The following TPD52 variants were observed in gnomAD, a reference collection of about 807,000 sequenced individuals.
The protein encoded by TPD52 is prostate and colon associated protein.
In TPD52, 17 loss-of-function variants were observed where a neutral mutation model predicts 31.3. That is an observed-to-expected ratio of 0.54 (90% CI 0.37 to 0.82). The LOEUF (loss-of-function observed/expected upper bound fraction) is 0.82. Among genes scored for constraint, TPD52 ranks in the 40% least tolerant of loss-of-function variants. TPD52 has a pLI of 0.00. For missense variants in TPD52, 212 were observed against 240.1 expected, an observed-to-expected ratio of 0.88 and a Z score of 0.77; for synonymous variants, 83 against 89.6, an observed-to-expected ratio of 0.93 and a Z score of 0.42.
intron 1 of TPD52, among the ~76,000 whole-genome samples, chr8:80,143,677 C>T (rs1054894338): frequency 6.6e-6 from 1 of 152,182 alleles, no homozygotes; most frequent in Non-Finnish European, 1.5e-5. Flanking sequence ...AAGCGACCAA[C>T]TGATCAATCA....
intron 1 of TPD52, among the ~76,000 whole-genome samples, chr8:80,125,907 A>G (rs1366292192): frequency 1.3e-5 from 2 of 152,174 alleles, no homozygotes; most frequent in Non-Finnish European, 2.9e-5. Context: ...CCACCCCAGA[A>G]TCATCACACA....
intron 1 of TPD52, among the ~76,000 whole-genome samples, chr8:80,162,941 AAAAC>A (rs930353893): frequency 5.2e-4 from 69 of 132,380 alleles, no homozygotes; most frequent in African/African-American, 1.8e-3. Flanking sequence ...ACAACAAAAC[AAAAC>A]AAACAAACAA....
In TPD52 at chr8:80,043,724, T is replaced by C. The variant is rs75080548; in HGVS notation, c.455+443A>G. Among the ~76,000 whole-genome samples, 593 of 152,262 alleles carry C rather than the reference T, an allele frequency of 3.9e-3. 5 individuals are homozygous for C. The highest frequency in any genetic ancestry group is 0.013 in the African/African-American group (555 of 41,542). ...TCTAGAGAGGTTAGGTGAGGTAATA[T>C]CACTTGCAAGTGCTAATGAAAGCAG... On this transcript the variant is annotated intron_variant, in intron 6 of 7. Coordinates refer to ENST00000518937, the MANE Select transcript of TPD52 (RefSeq NM_001025253.3).
chr8:80,071,728 G>A (rs903435914), intron 1 of TPD52, among the ~76,000 whole-genome samples: 6 of 152,098 alleles, frequency 3.9e-5, no homozygotes, highest in African/African-American at 1.4e-4. Context: ...CTGTCACTAT[G>A]TGTTGCTTAG....
chr8:80,155,742 G>T (rs1810921434), intron 1 of TPD52, among the ~76,000 whole-genome samples: 1 of 152,088 alleles, frequency 6.6e-6, no homozygotes. Context: ...AATTAGCCAG[G>T]CATGGTGGCG....
intron 1 of TPD52, among the ~76,000 whole-genome samples, chr8:80,074,283 T>A (rs891642858): frequency 1.3e-5 from 2 of 152,192 alleles, no homozygotes; most frequent in African/African-American, 4.8e-5. Flanking sequence ...GATTTAAACA[T>A]ATAATTCAAA....
At chr8:80,123,576 C>T (rs951421604) in intron 1 of TPD52, among the ~76,000 whole-genome samples, 1 of 152,170 alleles carries the variant, frequency 6.6e-6, no homozygotes, top group South Asian at 2.1e-4. Flanking sequence ...AGAAATACTA[C>T]TAATAATTCC....
chr8:80,073,050 GC>G, intron 1 of TPD52, among the ~76,000 whole-genome samples: 1 of 151,906 alleles, frequency 6.6e-6, no homozygotes, highest in African/African-American at 2.4e-5. Flanking sequence ...GCTGCAGTGA[GC>G]CGAGATCACC....
At chr8:80,086,117 G>GGTT (rs1815739095) in intron 1 of TPD52, among the ~76,000 whole-genome samples, 1 of 88,880 alleles carries the variant, frequency 1.1e-5, no homozygotes, top group Admixed American at 1.2e-4. Context: ...TTTTTTTTTA[G>GGTT]TTTTTTTTTT....
At chr8:80,166,460 G>T (rs955818643) in intron 1 of TPD52, among the ~76,000 whole-genome samples, 2 of 151,522 alleles carry the variant, frequency 1.3e-5, no homozygotes, top group African/African-American at 2.4e-5. Context: ...TCCAACTCCC[G>T]ACCTCAGGTG....
At chr8:80,164,013 TGAGAGAGAGACAGAGAGAGAGA>T (rs1280791172) in intron 1 of TPD52, among the ~76,000 whole-genome samples, 14 of 123,662 alleles carry the variant, frequency 1.1e-4, no homozygotes, top group Admixed American at 6.0e-4. Flanking sequence ...ATTCTAACTG[TGAGAGAGAGACAGAGAGAGAGA>T]GAGAGAGAGA....
At chr8:80,072,004 C>CT (rs1383707486) in intron 1 of TPD52, among the ~76,000 whole-genome samples, 2 of 152,220 alleles carry the variant, frequency 1.3e-5, no homozygotes, top group South Asian at 2.1e-4. Flanking sequence ...GAAACACATG[C>CT]TTTTTTTGTT....
At chr8:80,074,561 T>C (rs1213729076) in intron 1 of TPD52, among the ~76,000 whole-genome samples, 1 of 152,240 alleles carries the variant, frequency 6.6e-6, no homozygotes, top group Non-Finnish European at 1.5e-5. Context: ...CCTGGGCATC[T>C]TCCTGTGTAG....
At chr8:80,115,021 T>G (rs999692004) in intron 1 of TPD52, among the ~76,000 whole-genome samples, 12 of 152,256 alleles carry the variant, frequency 7.9e-5, no homozygotes, top group African/African-American at 2.7e-4. Flanking sequence ...AAAGAATAGC[T>G]GCCTATTGCG....
In TPD52 at chr8:80,114,375, T is replaced by C. The variant is rs117878593; in HGVS notation, c.20-49782A>G. On this transcript the variant is annotated intron_variant, in intron 1 of 7. Transcript: ENST00000518937. ...TACTATATGATATACTTATTACACA[T>C]AGTAATATTGACTGCCTCCTCAACT... Among the ~76,000 whole-genome samples the C allele has an allele frequency of 2.6e-3, 390 of 152,298 alleles. 9 individuals are homozygous for C. In the East Asian group the frequency reaches 0.047, roughly 18 times the overall value.
chr8:80,134,572 C>T (rs1203621401), intron 1 of TPD52, among the ~76,000 whole-genome samples: 2 of 152,204 alleles, frequency 1.3e-5, no homozygotes, highest in Admixed American at 6.5e-5. Context: ...CATATCTGTG[C>T]CCACTTGTGA....
intron 1 of TPD52, among the ~76,000 whole-genome samples, chr8:80,065,689 T>C (rs1231936300): frequency 1.3e-5 from 2 of 152,232 alleles, no homozygotes; most frequent in African/African-American, 4.8e-5. Context: ...GGATCAGTAT[T>C]GCTGATACTT....
intron 1 of TPD52, among the ~76,000 whole-genome samples, chr8:80,099,218 C>T (rs1806551110): frequency 6.6e-6 from 1 of 152,138 alleles, no homozygotes; most frequent in Non-Finnish European, 1.5e-5. Flanking sequence ...CCCACAATAT[C>T]TCCCAAGGTA....
At position 80,057,330 on chromosome 8, in the gene TPD52, CA is replaced by C. The variant is rs145512789; in HGVS notation, c.136-3901del. Among the ~76,000 whole-genome samples, 547 of 152,296 alleles carry C rather than the reference CA, an allele frequency of 3.6e-3. 3 individuals carry two copies. The highest frequency in any genetic ancestry group is 6.9e-3 in the Admixed American group (106 of 15,294). On this transcript the variant is annotated intron_variant, in intron 2 of 7. Coordinates refer to ENST00000518937, the MANE Select transcript of TPD52 (RefSeq NM_001025253.3). ...TTAATACAGAGCTACCATTCAATGG[CA>C]GCAATCCCATTACTGGGTATAGAAA...
Sources: allele counts gnomAD v4.1 joint callset (sites outside exome capture counted in the v4.1 genomes callset), GRCh38; gene constraint gnomAD v4.1.1; transcripts MANE v1.5; gene names NCBI Gene and HGNC (gene_info 2026-07-23, HGNC 2026-07-21).